COL8A1: variants seen among roughly 807,000 people sequenced by gnomAD.
COL8A1 encodes the protein collagen alpha-1(VIII) chain.
A neutral mutation model predicts 42.7 loss-of-function variants in COL8A1; 21 were observed. That is an observed-to-expected ratio of 0.49 (90% CI 0.35 to 0.71). The LOEUF (loss-of-function observed/expected upper bound fraction) is 0.71. COL8A1 is among the 30% of genes least tolerant of loss of function. COL8A1 has a pLI of 0.01. For missense variants in COL8A1, 788 were observed against 962.4 expected, an observed-to-expected ratio of 0.82 and a Z score of 2.40; for synonymous variants, 367 against 369.1, an observed-to-expected ratio of 0.99 and a Z score of 0.06.
At chr3:99,769,651 T>G (rs1449616547) in intron 2 of COL8A1, among the ~76,000 whole-genome samples, 1 of 152,246 alleles carries the variant, frequency 6.6e-6, no homozygotes, top group Non-Finnish European at 1.5e-5. Context: ...CCAGGCGCGA[T>G]GGCTCACGCC....
At chr3:99,698,235 C>G (rs905662504) in intron 1 of COL8A1, among the ~76,000 whole-genome samples, 4 of 152,198 alleles carry the variant, frequency 2.6e-5, no homozygotes, top group Non-Finnish European at 5.9e-5. Flanking sequence ...ATTTGGGTTG[C>G]TTCCAAGTCT....
At chr3:99,776,847 C>A (rs1941702791) in intron 2 of COL8A1, among the ~76,000 whole-genome samples, 1 of 152,194 alleles carries the variant, frequency 6.6e-6, no homozygotes, top group Non-Finnish European at 1.5e-5. Flanking sequence ...GAGGGTTCCT[C>A]CCCTTTTTAG....
At position 99,766,978 on chromosome 3, in the gene COL8A1, G is replaced by A. The variant is rs1163098375; in HGVS notation, c.-4+21957G>A. On this transcript the variant is annotated intron_variant, in intron 2 of 3. Coordinates refer to ENST00000652472, the MANE Select transcript of COL8A1 (RefSeq NM_020351.4). ...AAAAAAAAAATGATGTCCTCTAGGG[G>A]AGGGGGACTCTCATGATATTGCATC... 2.0e-5 allele frequency among the ~76,000 whole-genome samples: 3 copies of A among 152,070 alleles called. No individual in the cohort carries two copies. In the East Asian group the frequency reaches 5.8e-4, roughly 29 times the overall value.
At chr3:99,715,711 T>C (rs1193577678) in intron 1 of COL8A1, among the ~76,000 whole-genome samples, 2 of 152,044 alleles carry the variant, frequency 1.3e-5, no homozygotes, top group Non-Finnish European at 2.9e-5. Context: ...ATAATTTTTT[T>C]TCTAGAATAT....
chr3:99,662,514 A>G (rs1207037657), intron 1 of COL8A1, among the ~76,000 whole-genome samples: 1 of 152,242 alleles, frequency 6.6e-6, no homozygotes, highest in Non-Finnish European at 1.5e-5. Context: ...GATGCTGTAC[A>G]TATGCATGTA....
chr3:99,757,117 G>T (rs1200327926), intron 2 of COL8A1, among the ~76,000 whole-genome samples: 3 of 152,150 alleles, frequency 2.0e-5, no homozygotes, highest in African/African-American at 7.2e-5. Flanking sequence ...CAAATAGTTG[G>T]CATTCAGCAA....
chr3:99,722,201 T>G (rs1194883213), intron 1 of COL8A1, among the ~76,000 whole-genome samples: 1 of 152,138 alleles, frequency 6.6e-6, no homozygotes. Flanking sequence ...TGTTACCATG[T>G]GCTTTAAAAG....
chr3:99,730,482 G>T (rs143008140), intron 1 of COL8A1, among the ~76,000 whole-genome samples: 1 of 152,106 alleles, frequency 6.6e-6, no homozygotes, highest in Non-Finnish European at 1.5e-5. Flanking sequence ...CAGCCACTAA[G>T]TTTCCTGCAC....
rs968587130 is a variant in COL8A1 at position 99,732,776 on chromosome 3, A to G, written c.-128-12121A>G. Among the ~76,000 whole-genome samples the G allele has an allele frequency of 3.3e-5, 5 of 152,242 alleles. No homozygotes were observed. In the East Asian group the frequency reaches 5.8e-4, roughly 18 times the overall value. On this transcript the variant is annotated intron_variant, in intron 1 of 3. Transcript: ENST00000652472. ...CTTAACTCATTCCAGCAGTAACTCA[A>G]AAGTCCAAGTCCAAAGTCTCATCTA...
intron 2 of COL8A1, among the ~76,000 whole-genome samples, chr3:99,761,249 G>A (rs1941358979): frequency 6.6e-6 from 1 of 152,156 alleles, no homozygotes; most frequent in African/African-American, 2.4e-5. Flanking sequence ...TTTTGAAGGA[G>A]CTCCAAAACA....
In COL8A1 at chr3:99,790,721, G is replaced by A; in HGVS notation, c.39G>A (p.Val13=). 1 of 1,614,174 alleles carries A rather than the reference G, an allele frequency of 6.2e-7. No individual in the cohort carries two copies. Among genetic ancestry groups the A allele is most frequent in the Non-Finnish European group, 8.5e-7 (1 of 1,180,036 alleles). The change falls in exon 3 of 4, where the codon GTG becomes GTA. Residue 13 remains valine, a synonymous_variant. Transcript: ENST00000652472. ...VLPGPLQLLG[V]LLTISLSSIR... ...CTGGCCCTCTGCAGCTGCTGGGAGT[G>A]CTGCTTACCATTTCCCTGAGTTCCA...
At chr3:99,719,890 G>A (rs963460894) in intron 1 of COL8A1, among the ~76,000 whole-genome samples, 14 of 152,140 alleles carry the variant, frequency 9.2e-5, no homozygotes, top group African/African-American at 2.9e-4. Context: ...CATGGGCTTC[G>A]GAATGATCAC....
At chr3:99,723,216 T>G (rs1485495878) in intron 1 of COL8A1, among the ~76,000 whole-genome samples, 4 of 152,140 alleles carry the variant, frequency 2.6e-5, no homozygotes, top group Non-Finnish European at 5.9e-5. Flanking sequence ...TGGAAAGATC[T>G]TATTGGCAGT....
chr3:99,725,404 C>T (rs1374343212), intron 1 of COL8A1, among the ~76,000 whole-genome samples: 2 of 151,688 alleles, frequency 1.3e-5, no homozygotes, highest in Non-Finnish European at 1.5e-5. Flanking sequence ...TCTACCTGCT[C>T]ATCTTTTTTT....
Position 99,794,666 on chromosome 3 carries a change from G to A in COL8A1, c.765G>A (p.Gly255=). The A allele has an allele frequency of 4.3e-6, 7 of 1,613,732 alleles. No individual in the cohort carries two copies. The highest frequency in any genetic ancestry group is 5.9e-6 in the Non-Finnish European group (7 of 1,179,864). The change falls in exon 4 of 4, where the codon GGG becomes GGA. Residue 255 remains glycine, a synonymous_variant. Transcript: ENST00000652472. The surrounding 1 kb of genome is among the most constrained non-coding windows in gnomAD (Gnocchi z 4.3). ...TGCCAGGTGCGCCAGGTGTAAAGGG[G>A]CCTCCAGGGATGCACGGCCCTCCCG... The part of the protein sequence containing the change: ...FGMPGAPGVK[G]PPGMHGPPGP...
intron 1 of COL8A1, among the ~76,000 whole-genome samples, chr3:99,653,756 G>A (rs1937925437): frequency 6.6e-6 from 1 of 150,788 alleles, no homozygotes; most frequent in Non-Finnish European, 1.5e-5. Context: ...CCTGGCCCCT[G>A]TATTTTGATG....
In COL8A1 at chr3:99,794,904, G is replaced by A; in HGVS notation, c.1003G>A (p.Glu335Lys). 2.5e-6 allele frequency: 4 copies of A among 1,601,212 alleles called. No homozygotes were observed. The highest frequency in any genetic ancestry group is 1.1e-5 in the South Asian group (1 of 89,494). Residue 335 changes from glutamate to lysine, a missense_variant, in exon 4 of 4, where the codon GAG becomes AAG. Physicochemically the swap from Glu to Lys is moderately conservative, Grantham distance 56 (BLOSUM62 1). Coordinates refer to ENST00000652472, the MANE Select transcript of COL8A1 (RefSeq NM_020351.4). The surrounding 1 kb of genome is among the most constrained non-coding windows in gnomAD (Gnocchi z 4.3). ...GQPGFPGGKGEQGLPGLPGPP... is the reference protein window; with the variant it reads ...GQPGFPGGKGKQGLPGLPGPP... The stretch of plus-strand genomic sequence containing the variant: ...GCCAGGATTTCCAGGTGGCAAAGGG[G>A]AGCAAGGACTGCCAGGGCTACCAGG...
At chr3:99,737,419 C>T (rs1394936784) in intron 1 of COL8A1, among the ~76,000 whole-genome samples, 4 of 151,926 alleles carry the variant, frequency 2.6e-5, no homozygotes, top group East Asian at 3.9e-4. Flanking sequence ...TTAGGGCAGG[C>T]CTGGTGGTGA....
intron 2 of COL8A1, among the ~76,000 whole-genome samples, chr3:99,763,943 G>T (rs916927500): frequency 5.9e-5 from 9 of 152,284 alleles, no homozygotes; most frequent in Non-Finnish European, 1.3e-4. Flanking sequence ...CAGCCAATTG[G>T]TCACCATCTA....
Sources: allele counts gnomAD v4.1 joint callset (sites outside exome capture counted in the v4.1 genomes callset), GRCh38; gene constraint gnomAD v4.1.1; non-coding constraint Gnocchi (gnomAD v3.1); transcripts MANE v1.5; gene names NCBI Gene and HGNC (gene_info 2026-07-23, HGNC 2026-07-21).